Variants in IFITM5 observed in about 807,000 individuals in gnomAD.
The protein encoded by IFITM5 is interferon induced transmembrane protein 5, also known as interferon-induced transmembrane protein 5.
A neutral mutation model predicts 9.2 loss-of-function variants in IFITM5; 10 were observed. The observed-to-expected ratio is 1.09, with a 90% confidence interval of 0.67 to 1.85. The LOEUF is 1.85. Among genes scored for constraint, IFITM5 ranks in the 40% most tolerant of loss-of-function variants. The pLI is 0.00. For missense variants in IFITM5, 225 were observed against 182.6 expected (o/e 1.23, Z -1.34); for synonymous variants, 93 against 86.6 (o/e 1.07, Z -0.41).
At chr11:299,156 G>A (rs890202408) in intron 1 of IFITM5, 149 bp downstream of exon 1, 2 of 656,216 alleles carry the variant, frequency 3.0e-6, no homozygotes, top group Non-Finnish European at 5.0e-6. Flanking sequence ...TGATAGCTGT[G>A]CCCACAGAGC....
intron 1 of IFITM5, 29 bp from the exon 2 acceptor site, chr11:298,742 A>T: frequency 3.1e-6 from 5 of 1,602,310 alleles, no homozygotes; most frequent in Non-Finnish European, 4.3e-6. Flanking sequence ...ACAGGGCCAG[A>T]TCTCTATGTG....
chr11:298,903 G>C (rs1274591565), intron 1 of IFITM5, among the ~76,000 whole-genome samples, 190 bp from the exon 2 acceptor site: 1 of 152,186 alleles, frequency 6.6e-6, no homozygotes, highest in Non-Finnish European at 1.5e-5. Flanking sequence ...GCCAGTGTCA[G>C]CCTATCAGAG....
chr11:299,230 C>T (rs1183036303), intron 1 of IFITM5, 75 bp downstream of exon 1: 9 of 1,253,322 alleles, frequency 7.2e-6, no homozygotes, highest in South Asian at 3.1e-5. Flanking sequence ...ACGGAGCTCC[C>T]CATCCCTCCC....
At chr11:299,205 C>T (rs907619248) in intron 1 of IFITM5, 100 bp downstream of exon 1, 40 of 1,012,428 alleles carry the variant, frequency 4.0e-5, no homozygotes, top group East Asian at 1.2e-4. Context: ...GCCCCCAGCA[C>T]GGCAAGGACC....
intron 1 of IFITM5, among the ~76,000 whole-genome samples, chr11:299,058 A>G (rs751081435): frequency 2.6e-4 from 40 of 151,966 alleles, no homozygotes; most frequent in Non-Finnish European, 4.7e-4. Context: ...GTGCCTCCCA[A>G]TGGCCTCTGT....
In IFITM5 at chr11:298,714, C is replaced by T. The variant is rs772785846; in HGVS notation, c.187-1G>A. On this transcript the variant is annotated splice_acceptor_variant, in intron 1 of 1. Transcript: ENST00000382614. LOFTEE classifies it high-confidence loss of function. ...CACCAACCACCTTCTGATCTCGGGC[C>T]TGCAGAGAGACCAGACCACAGGGCC... is the stretch of plus-strand genomic sequence containing the variant. 2 of 1,612,962 alleles carry T rather than the reference C, an allele frequency of 1.2e-6. No individual in the cohort carries two copies. The highest frequency in any genetic ancestry group is 1.1e-5 in the South Asian group (1 of 90,998).
At position 298,298 on chromosome 11, in the gene IFITM5, G is replaced by A. The variant is rs149533423; in HGVS notation, c.*203C>T. 4.2e-3 allele frequency: 2,498 copies of A among 599,810 alleles called. 49 individuals carry two copies. Among genetic ancestry groups the A allele is most frequent in the African/African-American group, 0.041 (2,213 of 53,906 alleles). The allele number at this position is 599,810 out of a possible 1,614,324, so 37.2% of individuals were successfully genotyped here. ...GCAGAGTTAGGGCCCGGGAACTCTCGGGTTAGGGTGAAGACCCCGGGGTCT... is the reference window on the plus strand; with the variant it reads ...GCAGAGTTAGGGCCCGGGAACTCTCAGGTTAGGGTGAAGACCCCGGGGTCT... On this transcript the variant is annotated 3_prime_UTR_variant, in exon 2 of 2. Transcript: ENST00000382614.
intron 1 of IFITM5, 32 bp downstream of exon 1, chr11:299,273 T>C: frequency 2.2e-6 from 3 of 1,352,902 alleles, no homozygotes; most frequent in South Asian, 1.3e-5. Flanking sequence ...TAGTGGAGCC[T>C]CCCCCGCAAC....
At chr11:299,257 A>C in intron 1 of IFITM5, 48 bp downstream of exon 1, 2 of 701,714 alleles carry the variant, frequency 2.9e-6, no homozygotes, top group Non-Finnish European at 2.2e-6. Flanking sequence ...CCCCACCTTG[A>C]TGGAGTAGTG....
rs531009160 is a variant in IFITM5, at chr11:299,391, G to C, written c.100C>G (p.Arg34Gly). Residue 34 changes from arginine (R) to glycine (G), a missense_variant, in exon 1 of 2, where the codon CGA becomes GGA. By Grantham distance (125) the Arg-to-Gly change is moderately radical. Transcript: ENST00000382614. ...LTLGAPHPPP[R>G]DHLIWSVFST... Reference sequence around the variant, plus strand: ...AACACCGACCAGATCAAGTGGTCTCGAGGCGGGGGGTGCGGGGCCCCCAGT... The same window carrying C: ...AACACCGACCAGATCAAGTGGTCTCCAGGCGGGGGGTGCGGGGCCCCCAGT... 1 of 1,577,868 alleles carries C rather than the reference G, an allele frequency of 6.3e-7. No individual in the cohort carries two copies. Among genetic ancestry groups the C allele is most frequent in the East Asian group, 2.4e-5 (1 of 42,336 alleles).
chr11:299,196 C>T, intron 1 of IFITM5, 109 bp downstream of exon 1: 1 of 766,760 alleles, frequency 1.3e-6, no homozygotes, highest in South Asian at 1.9e-5. Context: ...CCCCCCGCGG[C>T]CCCCAGCACG....
rs746160849 is a variant in IFITM5, at chr11:299,440, C to G, written c.51G>C (p.Lys17Asn). The G allele has an allele frequency of 6.5e-7, 1 of 1,534,152 alleles. No individual in the cohort carries two copies. The highest frequency in any genetic ancestry group is 8.8e-7 in the Non-Finnish European group (1 of 1,141,034). ...REDTRAPTPS[K>N]AGAHTALTLG... is the part of the protein sequence containing the mutation. ...GTGTGAGGGCTGTGTGGGCACCGGC[C>G]TTGCTGGGCGTGGGGGCCCGGGTGT... The change falls in exon 1 of 2, where the codon AAG becomes AAC. Residue 17 changes from lysine (K) to asparagine (N), a missense_variant. Coordinates refer to ENST00000382614, the MANE Select transcript of IFITM5 (RefSeq NM_001025295.3).
At position 298,473 on chromosome 11, in the gene IFITM5, C is replaced by CAG; in HGVS notation, c.*27_*28insCT. ...GCAGCCTGGGGTCAGTGTCCTGGGG[C>CAG]TAGTGCCCCAGATCAGGACCCAGCC... is the stretch of plus-strand genomic sequence containing the variant. On this transcript the variant is annotated 3_prime_UTR_variant, in exon 2 of 2. Coordinates refer to ENST00000382614, the MANE Select transcript of IFITM5 (RefSeq NM_001025295.3). 1 of 1,599,298 alleles carries CAG rather than the reference C, an allele frequency of 6.3e-7. No homozygotes were observed. The highest frequency in any genetic ancestry group is 8.5e-7 in the Non-Finnish European group (1 of 1,174,178).
At chr11:299,226 C>CG in intron 1 of IFITM5, 79 bp downstream of exon 1, 1 of 1,085,176 alleles carries the variant, frequency 9.2e-7, no homozygotes, top group East Asian at 2.9e-5. Flanking sequence ...CCCCACGGAG[C>CG]TCCCCATCCC....
rs1243651784 is a variant in IFITM5 at position 298,544 on chromosome 11, G to A, written c.356C>T (p.Ala119Val). The change falls in exon 2 of 2, where the codon GCC becomes GTC. Residue 119 changes from alanine to valine, a missense_variant. Physicochemically the swap from Ala to Val is moderately conservative, Grantham distance 64. Transcript: ENST00000382614. ...ATCAAACTTGGTGCTGAAGAAGGCG[G>A]CAGAGTCCTTGGCCAGCCGGGCCAG... ...LHLARLAKDS[A>V]AFFSTKFDDA... 1 of 1,612,794 alleles carries A rather than the reference G, an allele frequency of 6.2e-7. No individual in the cohort carries two copies. Among genetic ancestry groups the A allele is most frequent in the African/African-American group, 1.3e-5 (1 of 75,058 alleles).
At position 298,733 on chromosome 11, in the gene IFITM5, C is replaced by T; in HGVS notation, c.187-20G>A. 4 of 1,608,788 alleles carry T rather than the reference C, an allele frequency of 2.5e-6. No homozygotes were observed. The highest frequency in any genetic ancestry group is 3.4e-6 in the Non-Finnish European group (4 of 1,176,904). ...TCGGGCCTGCAGAGAGACCAGACCA[C>T]AGGGCCAGATCTCTATGTGTCCTCG... On this transcript the variant is annotated intron_variant, in intron 1 of 1. Coordinates refer to ENST00000382614, the MANE Select transcript of IFITM5 (RefSeq NM_001025295.3).
In IFITM5 at chr11:299,432, G is replaced by T; in HGVS notation, c.59C>A (p.Ala20Asp). ...GGCCCCCAGTGTGAGGGCTGTGTGG[G>T]CACCGGCCTTGCTGGGCGTGGGGGC... ...TRAPTPSKAG[A>D]HTALTLGAPH... Residue 20 changes from alanine (A) to aspartate (D), a missense_variant, in exon 1 of 2, where the codon GCC (alanine) becomes GAC (aspartate). Physicochemically the swap from Ala to Asp is moderately radical, Grantham distance 126. Transcript: ENST00000382614. The T allele has an allele frequency of 6.5e-7, 1 of 1,542,154 alleles. No individual in the cohort carries two copies. The highest frequency in any genetic ancestry group is 8.7e-7 in the Non-Finnish European group (1 of 1,145,118).
At position 299,482 on chromosome 11, in the gene IFITM5, C is replaced by T. The variant is rs748186534; in HGVS notation, c.9G>A (p.Thr3=). MD[T]AYPREDTRAP... ...CCCGGGTGTCCTCGCGGGGATACGC[C>T]GTGTCCATGGGTTCCAGCGCCGTCT... Residue 3 remains threonine, a synonymous_variant, in exon 1 of 2, where the codon ACG becomes ACA. Transcript: ENST00000382614. 21 of 1,482,710 alleles carry T rather than the reference C, an allele frequency of 1.4e-5. No homozygotes were observed. The highest frequency in any genetic ancestry group is 8.2e-5 in the South Asian group (6 of 73,524). The allele number at this position is 1,482,710 out of a possible 1,614,324, so 91.8% of individuals were successfully genotyped here.
At position 298,445 on chromosome 11, in the gene IFITM5, G is replaced by T; in HGVS notation, c.*56C>A. ...GGGGAGTCAGTATTGGGCCCCAGGG[G>T]CAGCAGCCTGGGGTCAGTGTCCTGG... On this transcript the variant is annotated 3_prime_UTR_variant, in exon 2 of 2. Transcript: ENST00000382614. 1 of 1,544,662 alleles carries T rather than the reference G, an allele frequency of 6.5e-7. No homozygotes were observed. The highest frequency in any genetic ancestry group is 8.8e-7 in the Non-Finnish European group (1 of 1,137,074).
Sources: allele counts gnomAD v4.1 joint callset (sites outside exome capture counted in the v4.1 genomes callset), GRCh38; gene constraint gnomAD v4.1.1; transcripts MANE v1.5; gene names NCBI Gene and HGNC (gene_info 2026-07-23, HGNC 2026-07-21).